Variants in CIAO2A observed in about 807,000 individuals in gnomAD.
CIAO2A encodes cytosolic iron-sulfur assembly component 2A, also known as MIP18 family protein FAM96A.
CIAO2A carries 17 observed loss-of-function variants against 22.4 expected under a neutral mutation model. That is an observed-to-expected ratio of 0.76 (90% confidence interval 0.52 to 1.14). The LOEUF is 1.14. Ranked by LOEUF, CIAO2A falls within the 50% of genes most tolerant of loss-of-function variation. The pLI is 0.00. For synonymous variants in CIAO2A, 74 were observed against 72.3 expected, an observed-to-expected ratio of 1.02 and a Z score of -0.12; for missense variants, 192 against 191.4, an observed-to-expected ratio of 1.00 and a Z score of -0.02.
At chr15:64,075,086 A>C (rs1300290528) in intron 4 of CIAO2A, 1 of 153,848 alleles carries the variant, frequency 6.5e-6, no homozygotes, top group Non-Finnish European at 1.4e-5. Context: ...CCCCACTCCC[A>C]TTCTAATATA....
intron 2 of CIAO2A, among the ~76,000 whole-genome samples, chr15:64,085,076 T>C (rs971968801): frequency 1.6e-5 from 2 of 128,074 alleles, no homozygotes; most frequent in Non-Finnish European, 1.7e-5. Context: ...TGAGACTCTG[T>C]CTCAAAAAAT....
chr15:64,078,798 CTT>C (rs901797502), intron 3 of CIAO2A, among the ~76,000 whole-genome samples: 1 of 152,034 alleles, frequency 6.6e-6, no homozygotes, highest in Non-Finnish European at 1.5e-5. Flanking sequence ...ATCCGAAACA[CTT>C]TGGGAAACCA....
chr15:64,075,687 G>C, intron 3 of CIAO2A, 150 bp from the exon 4 acceptor site: 1 of 484,866 alleles, frequency 2.1e-6, no homozygotes, highest in Non-Finnish European at 3.6e-6. Flanking sequence ...GTCTCACCCT[G>C]TTGCCCAGGC....
At chr15:64,084,008 CAT>C in intron 2 of CIAO2A, among the ~76,000 whole-genome samples, 1 of 151,896 alleles carries the variant, frequency 6.6e-6, no homozygotes, top group East Asian at 1.9e-4. Flanking sequence ...AGCTGAAATG[CAT>C]AACGAAAGGG....
intron 1 of CIAO2A, among the ~76,000 whole-genome samples, chr15:64,089,182 A>G (rs1469635167): frequency 2.6e-5 from 4 of 152,236 alleles, no homozygotes; most frequent in African/African-American, 9.6e-5. Context: ...GCGGAATCTG[A>G]ATCAAGCCTT....
At chr15:64,085,854 G>A (rs868636308) in intron 2 of CIAO2A, among the ~76,000 whole-genome samples, 8 of 151,770 alleles carry the variant, frequency 5.3e-5, no homozygotes, top group African/African-American at 9.7e-5. Context: ...GATTACAGGC[G>A]CCCGCCACCA....
intron 3 of CIAO2A, 139 bp from the exon 4 acceptor site, chr15:64,075,676 AG>A (rs986753516): frequency 4.1e-6 from 2 of 491,660 alleles, no homozygotes; most frequent in African/African-American, 4.3e-5. Flanking sequence ...TTTGAGATGG[AG>A]TCTCACCCTG....
intron 1 of CIAO2A, among the ~76,000 whole-genome samples, chr15:64,091,225 A>G (rs1409219983): frequency 2.0e-5 from 3 of 152,240 alleles, no homozygotes; most frequent in Admixed American, 2.0e-4. Context: ...TCATGCCTGT[A>G]ATCCCAGCAC....
At chr15:64,088,994 T>G in intron 1 of CIAO2A, 143 bp from the exon 2 acceptor site, 1 of 696,010 alleles carries the variant, frequency 1.4e-6, no homozygotes, top group Non-Finnish European at 2.3e-6. Flanking sequence ...GACAGAAATT[T>G]TCACTACTGG....
intron 3 of CIAO2A, among the ~76,000 whole-genome samples, chr15:64,079,246 G>A (rs558633529): frequency 9.9e-5 from 15 of 152,080 alleles, no homozygotes; most frequent in Non-Finnish European, 2.1e-4. Context: ...GCCTTAAAAC[G>A]TGGGTAGGAT....
chr15:64,078,244 T>C (rs1445476821), intron 3 of CIAO2A, among the ~76,000 whole-genome samples: 2 of 152,240 alleles, frequency 1.3e-5, no homozygotes, highest in Non-Finnish European at 2.9e-5. Flanking sequence ...TTTATTAATT[T>C]ACTCAATTTA....
rs1467688371 is a variant in CIAO2A at position 64,073,002 on chromosome 15, G to A, written c.412C>T (p.Arg138Ter). 15 of 1,613,170 alleles carry A rather than the reference G, an allele frequency of 9.3e-6. No individual in the cohort carries two copies. The highest frequency in any genetic ancestry group is 1.3e-5 in the Non-Finnish European group (15 of 1,179,506). ...GGGTTTTCCATTGCAGCTGCCACTCGCTCTTTGTCATTTATCTGCTTATTG... is the reference window on the plus strand; with the variant it reads ...GGGTTTTCCATTGCAGCTGCCACTCACTCTTTGTCATTTATCTGCTTATTG... ...DINKQINDKE[R>*]VAAAMENPNL... Residue 138 changes from arginine to a stop codon, truncating the protein, a stop_gained, in exon 5 of 5, where the codon CGA (arginine) becomes TGA (stop). Coordinates refer to ENST00000300030, the MANE Select transcript of CIAO2A (RefSeq NM_032231.7). LOFTEE classifies it high-confidence loss of function.
chr15:64,093,523 A>C, intron 1 of CIAO2A, 122 bp downstream of exon 1: 1 of 1,233,098 alleles, frequency 8.1e-7, no homozygotes, highest in Non-Finnish European at 1.1e-6. Flanking sequence ...AAAAACAAAC[A>C]AACAAACAAA....
In CIAO2A at chr15:64,088,702, A is replaced by G. The variant is rs779631916; in HGVS notation, c.274T>C (p.Leu92=). ...AAAAACTTACCAATAAGAGTCGCCA[A>G]AGAGCAATGAGGTACTGTTGGCGTG... ...RFTPTVPHCS[L]ATLIGLCLRV... The change falls in exon 2 of 5, where the codon TTG becomes CTG. Residue 92 remains leucine, a synonymous_variant. Transcript: ENST00000300030. 4 of 1,610,566 alleles carry G rather than the reference A, an allele frequency of 2.5e-6. No individual in the cohort carries two copies. Among genetic ancestry groups the G allele is most frequent in the Non-Finnish European group, 2.5e-6 (3 of 1,179,148 alleles).
chr15:64,075,608 T>C (rs1211285443), intron 3 of CIAO2A, 71 bp from the exon 4 acceptor site: 2 of 963,260 alleles, frequency 2.1e-6, no homozygotes, highest in East Asian at 2.6e-5. Context: ...AAGTGGAATG[T>C]ACAGTAAATT....
chr15:64,077,563 G>A (rs1213086886), intron 3 of CIAO2A, among the ~76,000 whole-genome samples: 4 of 152,226 alleles, frequency 2.6e-5, no homozygotes, highest in African/African-American at 9.6e-5. Context: ...GGCCTCTGAT[G>A]TGATGCAATG....
intron 3 of CIAO2A, among the ~76,000 whole-genome samples, chr15:64,077,094 C>T (rs1299286067): frequency 6.6e-6 from 1 of 152,122 alleles, no homozygotes; most frequent in Non-Finnish European, 1.5e-5. Context: ...AGGCGGATCA[C>T]GAGGTCAGGA....
chr15:64,083,973 T>A (rs1286433750), intron 2 of CIAO2A, among the ~76,000 whole-genome samples: 1 of 151,444 alleles, frequency 6.6e-6, no homozygotes, highest in Non-Finnish European at 1.5e-5. Context: ...AAAATAAAAA[T>A]AAAAAATAAA....
Position 64,076,902 on chromosome 15 carries a change from C to T in CIAO2A, c.340-1365G>A, listed in dbSNP as rs2926689. Among the ~76,000 whole-genome samples the T allele has an allele frequency of 6.8e-3, 1,030 of 152,010 alleles. 16 individuals carry two copies. Among genetic ancestry groups the T allele is most frequent in the African/African-American group, 0.023 (948 of 41,456 alleles). ...CTATTTTTTTGTAGAGACCGCGTAT[C>T]GCCATATTGCCCAAGCTGGTCTTGA... On this transcript the variant is annotated intron_variant, in intron 3 of 4. Transcript: ENST00000300030.
Sources: allele counts gnomAD v4.1 joint callset (sites outside exome capture counted in the v4.1 genomes callset), GRCh38; gene constraint gnomAD v4.1.1; transcripts MANE v1.5; gene names NCBI Gene and HGNC (gene_info 2026-07-23, HGNC 2026-07-21).